PELP1: variants seen among roughly 807,000 people sequenced by gnomAD.
PELP1 encodes the protein proline-, glutamic acid- and leucine-rich protein 1.
A neutral mutation model predicts 95.5 loss-of-function variants in PELP1; 32 were observed. The observed-to-expected ratio is 0.34, with a 90% CI of 0.25 to 0.45. The LOEUF is 0.45. Ranked by LOEUF, PELP1 falls within the 20% of genes least tolerant of loss-of-function variation. The pLI is 1.00. For synonymous variants in PELP1, 668 were observed against 600.1 expected (o/e 1.11, Z -1.65); for missense variants, 1,358 against 1,444.8 (o/e 0.94, Z 0.97).
chr17:4,690,273 C>T (rs918963743), intron 3 of PELP1, among the ~76,000 whole-genome samples: 6 of 152,000 alleles, frequency 3.9e-5, no homozygotes, highest in Non-Finnish European at 8.8e-5. Context: ...AGGACTCGGG[C>T]GGAAATGTGG....
chr17:4,703,847 C>T lies in PELP1; in HGVS notation c.249+16G>A, dbSNP rs770592583. On this transcript the variant is annotated intron_variant, in intron 1 of 16. Transcript: ENST00000572293. Reference sequence around the variant, plus strand: ...TCCTCCCCACAGGGCCGCGGGCACGCGGGCCACGGACTCACCTGGGCCCCG... The same window carrying T: ...TCCTCCCCACAGGGCCGCGGGCACGTGGGCCACGGACTCACCTGGGCCCCG... The T allele has an allele frequency of 3.1e-6, 5 of 1,597,920 alleles. No individual in the cohort carries two copies. The highest frequency in any genetic ancestry group is 4.3e-6 in the Non-Finnish European group (5 of 1,171,036).
chr17:4,682,815 G>A lies in PELP1; in HGVS notation c.558C>T (p.Gly186=). 1 of 1,584,466 alleles carries A rather than the reference G, an allele frequency of 6.3e-7. No individual in the cohort carries two copies. ...GGAGACATCTCACCTCTGGCCTGAG[G>A]CCCAGCAGGGAGGTGAGAAGGCCAG... is the stretch of plus-strand genomic sequence containing the variant. ...HLPGLLTSLL[G]LRPECEQSAL... The change falls in exon 4 of 17, where the codon GGC becomes GGT. Residue 186 remains glycine, a synonymous_variant. Transcript: ENST00000572293.
Position 4,675,823 on chromosome 17 carries a change from T to C in PELP1, c.1042A>G (p.Thr348Ala). ...VQEILDFICRTLSVSSKNISL... is the reference protein window; with the variant it reads ...VQEILDFICRALSVSSKNISL... ...ATATTCTTGCTACTGACGCTGAGGG[T>C]CCGGCAGATGAAATCCAGGATTTCC... The change falls in exon 9 of 17, where the codon ACC becomes GCC. Residue 348 changes from threonine (T) to alanine (A), a missense_variant. Coordinates refer to ENST00000572293, the MANE Select transcript of PELP1 (RefSeq NM_014389.3). The surrounding 1 kb of genome is among the most constrained non-coding windows in gnomAD (Gnocchi z 4.3). 6.3e-7 allele frequency: 1 copy of C among 1,586,012 alleles called. No homozygotes were observed. Among genetic ancestry groups the C allele is most frequent in the South Asian group, 1.2e-5 (1 of 86,832 alleles).
At chr17:4,679,628 G>A (rs998766126) in intron 5 of PELP1, among the ~76,000 whole-genome samples, 5 of 152,206 alleles carry the variant, frequency 3.3e-5, no homozygotes, top group African/African-American at 7.2e-5. Flanking sequence ...CTGCTGGCCT[G>A]TGTCATTTGA....
chr17:4,680,143 T>C (rs933090986), intron 5 of PELP1, among the ~76,000 whole-genome samples: 1 of 152,172 alleles, frequency 6.6e-6, no homozygotes, highest in Non-Finnish European at 1.5e-5. Context: ...ACAGAATAAT[T>C]ACAATGATAA....
chr17:4,691,273 A>G, intron 2 of PELP1, 105 bp downstream of exon 2: 1 of 825,606 alleles, frequency 1.2e-6, no homozygotes, highest in Non-Finnish European at 2.1e-6. Flanking sequence ...GGGAATAGAG[A>G]GAGGTCTTGA....
In PELP1 at chr17:4,690,965, G is replaced by A; in HGVS notation, c.343C>T (p.Leu115=). The change falls in exon 3 of 17, where the codon CTG becomes TTG. Residue 115 remains leucine, a synonymous_variant. Coordinates refer to ENST00000572293, the MANE Select transcript of PELP1 (RefSeq NM_014389.3). The part of the protein sequence containing the change: ...RFEGLCLLSL[L]VGESPTELFQ... ...AGCTCTGTGGGGCTCTCCCCTACCA[G>A]CAGGGACAGCAGACACAGGCCCTCA... The A allele has an allele frequency of 2.5e-6, 4 of 1,613,552 alleles. No homozygotes were observed. Among genetic ancestry groups the A allele is most frequent in the Non-Finnish European group, 3.4e-6 (4 of 1,179,500 alleles).
intron 4 of PELP1, 72 bp from the exon 5 acceptor site, chr17:4,682,645 C>A: frequency 7.0e-7 from 1 of 1,437,960 alleles, no homozygotes; most frequent in Non-Finnish European, 9.8e-7. Context: ...CCCCCAGCAC[C>A]CCACAAGGGC....
intron 1 of PELP1, among the ~76,000 whole-genome samples, 172 bp downstream of exon 1, chr17:4,703,691 G>C (rs1427134323): frequency 6.6e-6 from 1 of 152,168 alleles, no homozygotes; most frequent in Non-Finnish European, 1.5e-5. Flanking sequence ...ACTCATGGCC[G>C]ATAAAGGAGA....
At chr17:4,689,821 T>G (rs1478923912) in intron 3 of PELP1, among the ~76,000 whole-genome samples, 1 of 151,932 alleles carries the variant, frequency 6.6e-6, no homozygotes, top group Non-Finnish European at 1.5e-5. Flanking sequence ...AGGTCAGGAG[T>G]TTGAGACCAG....
At chr17:4,697,065 G>C (rs1437657733) in intron 1 of PELP1, among the ~76,000 whole-genome samples, 1 of 152,174 alleles carries the variant, frequency 6.6e-6, no homozygotes, top group African/African-American at 2.4e-5. Context: ...TGGGCCTTGA[G>C]ACTGGATCAG....
At position 4,672,530 on chromosome 17, in the gene PELP1, G is replaced by A. The variant is rs1446405105; in HGVS notation, c.2461C>T (p.Pro821Ser). The change falls in exon 16 of 17, where the codon CCT (proline) becomes TCT (serine). Residue 821 changes from proline to serine, a missense_variant. Coordinates refer to ENST00000572293, the MANE Select transcript of PELP1 (RefSeq NM_014389.3). ...IAPTGPPTAS[P>S]PVPAKEEPEE... ...GGCTCCTCCTTCGCTGGCACAGGAG[G>A]GGAGGCTGTTGGTGGCCCAGTGGGG... 1.3e-6 allele frequency: 2 copies of A among 1,592,572 alleles called. No individual in the cohort carries two copies. Among genetic ancestry groups the A allele is most frequent in the African/African-American group, 2.7e-5 (2 of 74,476 alleles).
At chr17:4,689,631 T>A (rs1248632290) in intron 3 of PELP1, among the ~76,000 whole-genome samples, 1 of 152,228 alleles carries the variant, frequency 6.6e-6, no homozygotes, top group Non-Finnish European at 1.5e-5. Flanking sequence ...GAAGCCATTA[T>A]ATGAGAAAGA....
At chr17:4,688,225 C>T (rs1192237014) in intron 3 of PELP1, among the ~76,000 whole-genome samples, 3 of 152,028 alleles carry the variant, frequency 2.0e-5, no homozygotes, top group Non-Finnish European at 2.9e-5. Flanking sequence ...ATCCCGGCTA[C>T]CTGGGAGGCT....
intron 13 of PELP1, 120 bp downstream of exon 13, chr17:4,674,390 G>A: frequency 1.1e-6 from 1 of 887,444 alleles, no homozygotes; most frequent in Non-Finnish European, 1.8e-6. Flanking sequence ...ACGAAGGCTG[G>A]TCTAGGCACT....
At chr17:4,674,193 T>C (rs1475297920) in intron 13 of PELP1, among the ~76,000 whole-genome samples, 1 of 152,222 alleles carries the variant, frequency 6.6e-6, no homozygotes, top group African/African-American at 2.4e-5. Flanking sequence ...GCGAAGGCCT[T>C]GGAGGGGCTG....
rs775992408 is a variant in PELP1, at chr17:4,672,595, G to A, written c.2396C>T (p.Pro799Leu). 7.3e-5 allele frequency: 117 copies of A among 1,593,284 alleles called. No individual in the cohort carries two copies. Among genetic ancestry groups the A allele is most frequent in the Non-Finnish European group, 9.2e-5 (107 of 1,165,316 alleles). Residue 799 changes from proline (P) to leucine (L), a missense_variant, in exon 16 of 17, where the codon CCA becomes CTA. By Grantham distance (98) the Pro-to-Leu change is moderately conservative (BLOSUM62 -3). Around this residue, in one of 7 missense-constraint regions of PELP1, gnomAD observed 340 missense variants for 322.9 expected, o/e 1.05. Coordinates refer to ENST00000572293, the MANE Select transcript of PELP1 (RefSeq NM_014389.3). ...TGTGGCACCTGAGGGTGGTGGGGGT[G>A]GCAGGGGGGGAAGCCCCTCGGGCAC... The part of the protein sequence containing the change: ...VIVPEGLPPL[P>L]PPPPSGATPP...
chr17:4,677,581 G>C lies in PELP1; in HGVS notation c.643-769C>G, dbSNP rs540699991. On this transcript the variant is annotated intron_variant, in intron 5 of 16. Coordinates refer to ENST00000572293, the MANE Select transcript of PELP1 (RefSeq NM_014389.3). The stretch of plus-strand genomic sequence containing the variant: ...TATCATTCACATGCATCACTAATTT[G>C]CAATTATAGTCGTTGTAAGACCTGC... 2.0e-5 allele frequency among the ~76,000 whole-genome samples: 3 copies of C among 152,132 alleles called. No individual in the cohort carries two copies. In the South Asian group the frequency reaches 6.2e-4, roughly 32 times the overall value.
intron 3 of PELP1, among the ~76,000 whole-genome samples, chr17:4,684,281 G>A (rs1047288383): frequency 7.2e-5 from 11 of 152,156 alleles, no homozygotes; most frequent in African/African-American, 1.2e-4. Flanking sequence ...TCTGGTTAAC[G>A]CTGCTACTAA....
Sources: gnomAD v4.1 joint callset for allele counts (sites outside exome capture counted in the v4.1 genomes callset) on GRCh38, gnomAD v4.1.1 for gene constraint, gnomAD v4.1.1 regional missense constraint, Gnocchi (gnomAD v3.1) non-coding constraint, MANE v1.5 for transcripts, NCBI Gene and HGNC (gene_info 2026-07-23, HGNC 2026-07-21) for gene names.